The following CYP2C19 variants were observed in gnomAD, a reference collection of about 807,000 sequenced individuals.
CYP2C19 encodes cytochrome P450 2C19.
A neutral mutation model predicts 40.9 loss-of-function variants in CYP2C19; 59 were observed. The observed-to-expected ratio is 1.44, with a 90% CI of 1.17 to 1.79. The LOEUF (loss-of-function observed/expected upper bound fraction) is 1.79. Ranked by LOEUF, CYP2C19 falls within the 40% of genes most tolerant of loss-of-function variation. The pLI, the probability that CYP2C19 is intolerant of heterozygous loss-of-function variation, is 0.00. For missense variants in CYP2C19, 754 were observed against 596.9 expected, an observed-to-expected ratio of 1.26 and a Z score of -2.74; for synonymous variants, 253 against 208.7, an observed-to-expected ratio of 1.21 and a Z score of -1.83.
intron 5 of CYP2C19, among the ~76,000 whole-genome samples, chr10:94,794,994 T>C (rs571905953): frequency 4.6e-5 from 7 of 152,040 alleles, no homozygotes; most frequent in African/African-American, 1.7e-4. Flanking sequence ...CAGTTTTCTT[T>C]ATATATGTAA....
intron 5 of CYP2C19, among the ~76,000 whole-genome samples, chr10:94,798,278 A>T (rs1159740514): frequency 6.6e-6 from 1 of 152,112 alleles, no homozygotes; most frequent in Non-Finnish European, 1.5e-5. Context: ...CAGGTTGTTC[A>T]GTTTCCAAGG....
chr10:94,763,963 A>G (rs887655025), intron 1 of CYP2C19, among the ~76,000 whole-genome samples: 1 of 152,006 alleles, frequency 6.6e-6, no homozygotes. Flanking sequence ...TCAGGAGTGA[A>G]GCCGCAGACC....
chr10:94,828,151 T>G (rs929205569), intron 6 of CYP2C19, among the ~76,000 whole-genome samples: 2 of 151,988 alleles, frequency 1.3e-5, no homozygotes, highest in African/African-American at 4.8e-5. Context: ...TGATTTGGGG[T>G]GGAGAGTTCT....
At chr10:94,825,432 T>C (rs1270274131) in intron 6 of CYP2C19, among the ~76,000 whole-genome samples, 1 of 150,678 alleles carries the variant, frequency 6.6e-6, no homozygotes, top group African/African-American at 2.5e-5. Context: ...TTTTCATGTG[T>C]TTTTTGACTG....
In CYP2C19 at chr10:94,854,977, C is replaced by T. The variant is rs551948955; in HGVS notation, c.*2063C>T. 7.8e-4 allele frequency among the ~76,000 whole-genome samples: 119 copies of T among 152,280 alleles called. No individual in the cohort carries two copies. The highest frequency in any genetic ancestry group is 2.7e-3 in the African/African-American group (111 of 41,552). On this transcript the variant is annotated 3_prime_UTR_variant, in exon 9 of 9. Transcript: ENST00000371321. Reference sequence around the variant, plus strand: ...TAGTGTTAGTAGAGGTGTTGACAAACACCCATGGGTGAGATAAATAAAAAA... The same window carrying T: ...TAGTGTTAGTAGAGGTGTTGACAAATACCCATGGGTGAGATAAATAAAAAA...
At chr10:94,818,786 T>G (rs1359091017) in intron 5 of CYP2C19, among the ~76,000 whole-genome samples, 1 of 150,558 alleles carries the variant, frequency 6.6e-6, no homozygotes, top group African/African-American at 2.4e-5. Flanking sequence ...TAAGGAGATT[T>G]TGGGCTGAGA....
In CYP2C19 at chr10:94,834,471, G is replaced by T. The variant is rs551523433; in HGVS notation, c.962-8366G>T. Among the ~76,000 whole-genome samples, 474 of 149,230 alleles carry T rather than the reference G, an allele frequency of 3.2e-3. 3 individuals are homozygous for T. Among genetic ancestry groups the T allele is most frequent in the African/African-American group, 0.011 (451 of 40,710 alleles). On this transcript the variant is annotated intron_variant, in intron 6 of 8. Coordinates refer to ENST00000371321, the MANE Select transcript of CYP2C19 (RefSeq NM_000769.4). ...TTTTGTTGCATTGACATTTTGTTTT[G>T]TTTTCTTCATTTAAATTTCATTTAT...
intron 5 of CYP2C19, among the ~76,000 whole-genome samples, chr10:94,798,227 TCTTC>T (rs946403465): frequency 6.6e-6 from 1 of 152,182 alleles, no homozygotes; most frequent in African/African-American, 2.4e-5. Flanking sequence ...CATCTTTATT[TCTTC>T]CTTCATTTCG....
chr10:94,778,279 C>A (rs936356435), intron 3 of CYP2C19, among the ~76,000 whole-genome samples: 1 of 152,164 alleles, frequency 6.6e-6, no homozygotes, highest in African/African-American at 2.4e-5. Flanking sequence ...TTCCCCTTCC[C>A]TCCCTTGTAC....
In CYP2C19 at chr10:94,764,195, G is replaced by T. The variant is rs564387333; in HGVS notation, c.168+1322G>T. Among the ~76,000 whole-genome samples the T allele has an allele frequency of 3.9e-5, 6 of 152,220 alleles. No individual in the cohort carries two copies. The South Asian group carries it at 8.3e-4, about 21-fold the overall frequency. On this transcript the variant is annotated intron_variant, in intron 1 of 8. Transcript: ENST00000371321. The stretch of plus-strand genomic sequence containing the variant: ...CACAGCATGGAAGGGGACCCAAGAG[G>T]GTTGCCGCTGCTGGCTCAGGTGGGC...
At chr10:94,838,123 C>A (rs1399852284) in intron 6 of CYP2C19, among the ~76,000 whole-genome samples, 2 of 152,172 alleles carry the variant, frequency 1.3e-5, no homozygotes, top group African/African-American at 4.8e-5. Flanking sequence ...TAGTGGACAT[C>A]ATTGAATAAT....
intron 5 of CYP2C19, among the ~76,000 whole-genome samples, chr10:94,808,753 A>T (rs1848870875): frequency 6.6e-6 from 1 of 152,184 alleles, no homozygotes; most frequent in Admixed American, 6.5e-5. Context: ...GTGTTGTTGC[A>T]AATGACCGAA....
intron 5 of CYP2C19, among the ~76,000 whole-genome samples, chr10:94,812,250 A>C (rs184230103): frequency 3.3e-4 from 50 of 152,300 alleles, no homozygotes; most frequent in Admixed American, 2.2e-3. Context: ...ATATGCTGTT[A>C]GTCTGACAGG....
chr10:94,840,850 A>C (rs1395993245), intron 6 of CYP2C19, among the ~76,000 whole-genome samples: 1 of 152,192 alleles, frequency 6.6e-6, no homozygotes, highest in South Asian at 2.1e-4. Context: ...AGATAACCTT[A>C]CACCTGAGTC....
intron 5 of CYP2C19, among the ~76,000 whole-genome samples, chr10:94,802,490 A>G (rs927894348): frequency 6.6e-6 from 1 of 151,998 alleles, no homozygotes; most frequent in Non-Finnish European, 1.5e-5. Flanking sequence ...TGCATGTGAG[A>G]TGGGTCTCCT....
chr10:94,847,118 G>T (rs970352337), intron 7 of CYP2C19, among the ~76,000 whole-genome samples: 1 of 151,362 alleles, frequency 6.6e-6, no homozygotes, highest in Non-Finnish European at 1.5e-5. Context: ...GGGTACATGT[G>T]CACAACGTGC....
intron 6 of CYP2C19, among the ~76,000 whole-genome samples, chr10:94,841,881 G>C (rs1564683033): frequency 1.3e-5 from 2 of 152,110 alleles, no homozygotes; most frequent in Non-Finnish European, 2.9e-5. Flanking sequence ...CAGTTTCTTT[G>C]AGTGTTTTAA....
In CYP2C19 at chr10:94,792,444, A is replaced by G. The variant is rs1294800290; in HGVS notation, c.819+10447A>G. ...TTGTTAGTTGGCTCAGTTTCTTCCTAGCAATGATGGTCTTTACAATTTGAC... is the reference window on the plus strand; with the variant it reads ...TTGTTAGTTGGCTCAGTTTCTTCCTGGCAATGATGGTCTTTACAATTTGAC... On this transcript the variant is annotated intron_variant, in intron 5 of 8. Coordinates refer to ENST00000371321, the MANE Select transcript of CYP2C19 (RefSeq NM_000769.4). Among the ~76,000 whole-genome samples, 2 of 152,158 alleles carry G rather than the reference A, an allele frequency of 1.3e-5. 1 individual carries two copies. Among genetic ancestry groups the G allele is most frequent in the Non-Finnish European group, 2.9e-5 (2 of 68,026 alleles).
At chr10:94,784,709 C>A (rs78673919) in intron 5 of CYP2C19, among the ~76,000 whole-genome samples, 2 of 152,104 alleles carry the variant, frequency 1.3e-5, no homozygotes, top group East Asian at 3.9e-4. Context: ...CCTGCCCCAG[C>A]CTTCAGAGTA....
Sources: gnomAD v4.1 joint callset for allele counts (sites outside exome capture counted in the v4.1 genomes callset) on GRCh38, gnomAD v4.1.1 for gene constraint, MANE v1.5 for transcripts, NCBI Gene and HGNC (gene_info 2026-07-23, HGNC 2026-07-21) for gene names.